Variants in NFE2L3 observed in about 807,000 individuals in gnomAD.
NFE2L3 encodes nuclear factor erythroid 2-related factor 3.
NFE2L3 carries 18 observed loss-of-function variants against 23.5 expected under a neutral mutation model. The ratio of observed to expected loss-of-function variants is 0.77; its 90% CI spans 0.53 to 1.13. The LOEUF is 1.13. Ranked by LOEUF, NFE2L3 falls within the 50% of genes most tolerant of loss-of-function variation. The pLI, the probability that NFE2L3 is intolerant of heterozygous loss-of-function variation, is 0.00. For synonymous variants in NFE2L3, 424 were observed against 354.5 expected (o/e 1.20, Z -2.20); for missense variants, 1,152 against 877.2 (o/e 1.31, Z -3.96).
chr7:26,179,639 G>A lies in NFE2L3; in HGVS notation c.750+1517G>A, dbSNP rs571136223. ...GAGGATCACTTGAGCCTGGGAAGTT[G>A]AGGCTGCAGTGATCCGTCATCATGC... On this transcript the variant is annotated intron_variant, in intron 2 of 3. Transcript: ENST00000056233. Among the ~76,000 whole-genome samples the A allele has an allele frequency of 1.4e-4, 22 of 152,284 alleles. No homozygotes were observed. In the South Asian group the frequency reaches 4.3e-3, roughly 30 times the overall value.
At chr7:26,171,081 CTT>C (rs1235546200) in intron 1 of NFE2L3, among the ~76,000 whole-genome samples, 2 of 152,146 alleles carry the variant, frequency 1.3e-5, no homozygotes, top group Non-Finnish European at 2.9e-5. Flanking sequence ...TTGGCACAAA[CTT>C]TTTTGAAGGG....
chr7:26,158,331 C>G (rs1489011906), intron 1 of NFE2L3, among the ~76,000 whole-genome samples: 1 of 152,112 alleles, frequency 6.6e-6, no homozygotes, highest in Non-Finnish European at 1.5e-5. Context: ...CTTAACTTAC[C>G]TAGTTACATC....
At position 26,187,005 on chromosome 7, in the gene NFE2L3, T is replaced by C. The variant is rs1782503351; in HGVS notation, c.*1222T>C. The C allele has an allele frequency of 6.6e-6, 1 of 152,110 alleles. No homozygotes were observed. The highest frequency in any genetic ancestry group is 6.5e-5 in the Admixed American group (1 of 15,284). 9.4% of individuals were successfully genotyped at this position (152,110 alleles called of 1,614,324 possible). ...GTCCAAATTTTCAAAATGAAGTTTC[T>C]CAGATATTATTTCTGCCATAGGAGC... On this transcript the variant is annotated 3_prime_UTR_variant, in exon 4 of 4. Transcript: ENST00000056233.
At chr7:26,153,179 A>T (rs939368713) in intron 1 of NFE2L3, 111 bp downstream of exon 1, 6 of 1,125,228 alleles carry the variant, frequency 5.3e-6, no homozygotes, top group Non-Finnish European at 7.1e-6. Context: ...TGGCACCCTT[A>T]GCCCCTGGTC....
rs1347785092 is a variant in NFE2L3, at chr7:26,152,902, C to G, written c.404C>G (p.Ser135Cys). ...CTGCTCGGCGCCGCCGCCGCCTCGT[C>G]CACCGGAGGAGCCGGCGCCAGCGTG... Reference protein sequence around the residue: ...HGLLGAAAASSTGGAGASVDG... With the variant: ...HGLLGAAAASCTGGAGASVDG... The change falls in exon 1 of 4, where the codon TCC becomes TGC. Residue 135 changes from serine (S) to cysteine (C), a missense_variant. Physicochemically the swap from Ser to Cys is moderately radical, Grantham distance 112 (BLOSUM62 -1). Coordinates refer to ENST00000056233, the MANE Select transcript of NFE2L3 (RefSeq NM_004289.7). The surrounding 1 kb of genome is among the most constrained non-coding windows in gnomAD (Gnocchi z 4.4). 3 of 1,448,380 alleles carry G rather than the reference C, an allele frequency of 2.1e-6. No homozygotes were observed. The highest frequency in any genetic ancestry group is 2.9e-5 in the Admixed American group (1 of 34,998). The allele number at this position is 1,448,380 out of a possible 1,614,324, so 89.7% of individuals were successfully genotyped here. A position where few individuals can be genotyped will look rare whatever the true frequency, so the allele number is the denominator to read the frequency against.
chr7:26,183,820 A>C, intron 3 of NFE2L3, 36 bp downstream of exon 3: 3 of 1,319,868 alleles, frequency 2.3e-6, no homozygotes, highest in Non-Finnish European at 2.2e-6. Context: ...TCGCAGGAAC[A>C]TATCTGCACT....
At chr7:26,160,079 A>T (rs1027939791) in intron 1 of NFE2L3, among the ~76,000 whole-genome samples, 42 of 151,190 alleles carry the variant, frequency 2.8e-4, no homozygotes, top group African/African-American at 1.0e-3. Flanking sequence ...TTAGTCTCCC[A>T]AGTGGCTGGG....
chr7:26,178,452 C>A (rs986851681), intron 2 of NFE2L3, among the ~76,000 whole-genome samples: 5 of 152,154 alleles, frequency 3.3e-5, no homozygotes, highest in Non-Finnish European at 5.9e-5. Flanking sequence ...CTCAACCAGC[C>A]ACATGCACAG....
chr7:26,180,523 T>C (rs1405788608), intron 2 of NFE2L3, among the ~76,000 whole-genome samples: 4 of 152,224 alleles, frequency 2.6e-5, no homozygotes, highest in African/African-American at 7.2e-5. Flanking sequence ...CAGAACCATA[T>C]ATATGTTGAA....
intron 1 of NFE2L3, among the ~76,000 whole-genome samples, chr7:26,158,521 T>C (rs1784121426): frequency 6.6e-6 from 1 of 152,198 alleles, no homozygotes; most frequent in Admixed American, 6.5e-5. Context: ...GGAGGATCAT[T>C]TGCATAGGAC....
Position 26,186,013 on chromosome 7 carries a change from A to ACTTGTATACATTG in NFE2L3, c.*230_*231insCTTGTATACATTG, listed in dbSNP as rs1782477011. 5.0e-6 allele frequency: 2 copies of ACTTGTATACATTG among 396,864 alleles called. No homozygotes were observed. The highest frequency in any genetic ancestry group is 8.3e-5 in the Admixed American group (2 of 24,192). 24.6% of individuals were successfully genotyped at this position (396,864 alleles called of 1,614,324 possible). A position where few individuals can be genotyped will look rare whatever the true frequency, so the allele number is the denominator to read the frequency against. On this transcript the variant is annotated 3_prime_UTR_variant, in exon 4 of 4. Transcript: ENST00000056233. ...ACTTTTCATGAAGTGCATTGTATAC[A>ACTTGTATACATTG]AAATTCATAGTTATGTCCAAAGAAT...
At chr7:26,158,090 C>G (rs1178991708) in intron 1 of NFE2L3, among the ~76,000 whole-genome samples, 2 of 151,942 alleles carry the variant, frequency 1.3e-5, no homozygotes, top group Non-Finnish European at 2.9e-5. Flanking sequence ...GCTCTGTCTC[C>G]CAGGCTGGAA....
Position 26,186,016 on chromosome 7 carries a change from A to G in NFE2L3, c.*233A>G. 1 of 380,080 alleles carries G rather than the reference A, an allele frequency of 2.6e-6. No homozygotes were observed. Among genetic ancestry groups the G allele is most frequent in the Non-Finnish European group, 4.7e-6 (1 of 212,508 alleles). The allele number at this position is 380,080 out of a possible 1,614,324, so 23.5% of individuals were successfully genotyped here. The stretch of plus-strand genomic sequence containing the variant: ...TTTCATGAAGTGCATTGTATACAAA[A>G]TTCATAGTTATGTCCAAAGAATAGG... On this transcript the variant is annotated 3_prime_UTR_variant, in exon 4 of 4. Coordinates refer to ENST00000056233, the MANE Select transcript of NFE2L3 (RefSeq NM_004289.7).
chr7:26,162,817 A>T (rs1784193726), intron 1 of NFE2L3, among the ~76,000 whole-genome samples: 1 of 151,162 alleles, frequency 6.6e-6, no homozygotes, highest in African/African-American at 2.4e-5. Context: ...GGCTCAGGTG[A>T]TCCTCCCACC....
Position 26,184,565 on chromosome 7 carries a change from C to T in NFE2L3, c.867C>T (p.Gly289=), listed in dbSNP as rs1562679919. 3 of 1,613,232 alleles carry T rather than the reference C, an allele frequency of 1.9e-6. No individual in the cohort carries two copies. The highest frequency in any genetic ancestry group is 2.5e-6 in the Non-Finnish European group (3 of 1,179,380). ...GISLGDIPLP[G]SISDGMNSSA... ...CATTGGGAGATATTCCTCTTCCAGGCAGTATCAGTGATGGCATGAATTCTT... is the reference window on the plus strand; with the variant it reads ...CATTGGGAGATATTCCTCTTCCAGGTAGTATCAGTGATGGCATGAATTCTT... The change falls in exon 4 of 4, where the codon GGC becomes GGT. Residue 289 remains glycine, a synonymous_variant. Transcript: ENST00000056233.
At chr7:26,178,192 G>C in intron 2 of NFE2L3, 70 bp downstream of exon 2, 1 of 1,368,840 alleles carries the variant, frequency 7.3e-7, no homozygotes, top group Non-Finnish European at 1.0e-6. Context: ...TTGACAGTTT[G>C]TGTCAAGAAT....
intron 1 of NFE2L3, among the ~76,000 whole-genome samples, chr7:26,175,578 C>T (rs898228263): frequency 1.3e-5 from 2 of 152,110 alleles, no homozygotes; most frequent in African/African-American, 4.8e-5. Context: ...GAGATCGAGA[C>T]CATCCTGGCT....
Position 26,152,756 on chromosome 7 carries a change from GC to G in NFE2L3, c.261del (p.Glu88ArgfsTer108), listed in dbSNP as rs2128096617. 1 of 1,473,878 alleles carries G rather than the reference GC, an allele frequency of 6.8e-7. No individual in the cohort carries two copies. The highest frequency in any genetic ancestry group is 2.9e-5 in the East Asian group (1 of 34,460). The allele number at this position is 1,473,878 out of a possible 1,614,324, so 91.3% of individuals were successfully genotyped here. On this transcript the variant is annotated frameshift_variant, in exon 1 of 4. Transcript: ENST00000056233. LOFTEE classifies it high-confidence loss of function. This position sits in a 1 kb window ranked among gnomAD's most constrained non-coding sequence, Gnocchi z 4.4. ...KGRELDPAAPPEGQLLREVRA... is the reference protein window; with the variant it reads ...KGRELDPAAPXEGQLLREVRA... ...GCCGGGAGCTGGACCCTGCCGCGCC[GC>G]CCGAGGGCCAGCTGCTCCGGGAGGT...
At position 26,152,573 on chromosome 7, in the gene NFE2L3, G is replaced by T. The variant is rs1308936018; in HGVS notation, c.75G>T (p.Gly25=). 2.6e-6 allele frequency: 4 copies of T among 1,532,954 alleles called. No individual in the cohort carries two copies. Among genetic ancestry groups the T allele is most frequent in the Non-Finnish European group, 3.5e-6 (4 of 1,149,440 alleles). The allele number at this position is 1,532,954 out of a possible 1,614,324, so 95.0% of individuals were successfully genotyped here. The change falls in exon 1 of 4, where the codon GGG becomes GGT. Residue 25 remains glycine (G), a synonymous_variant. Transcript: ENST00000056233. This position sits in a 1 kb window ranked among gnomAD's most constrained non-coding sequence, Gnocchi z 4.4. The part of the protein sequence containing the change: ...LHLTLLLSLA[G]LRVDLDLYLL... ...TCACCCTCCTGCTGAGCTTGGCGGG[G>T]CTCCGCGTAGACCTAGATCTTTACC...
Sources: gnomAD v4.1 joint callset for allele counts (sites outside exome capture counted in the v4.1 genomes callset) on GRCh38, gnomAD v4.1.1 for gene constraint, Gnocchi (gnomAD v3.1) non-coding constraint, MANE v1.5 for transcripts, NCBI Gene and HGNC (gene_info 2026-07-23, HGNC 2026-07-21) for gene names.